The following DCUN1D1 variants were observed in gnomAD, a reference collection of about 807,000 sequenced individuals.
DCUN1D1 encodes the protein DCN1-like protein 1.
In DCUN1D1, 3 loss-of-function variants were observed where a neutral mutation model predicts 39.0. That is an observed-to-expected ratio of 0.08 (90% CI 0.04 to 0.20). The LOEUF (loss-of-function observed/expected upper bound fraction) is 0.20, where lower values mean the gene tolerates loss of function less well. Among genes scored for constraint, DCUN1D1 ranks in the 10% least tolerant of loss-of-function variants. The probability of loss-of-function intolerance (pLI) is 1.00; values close to 1 mark genes in which losing one functional copy is unlikely to be tolerated. For synonymous variants in DCUN1D1, 82 were observed against 96.3 expected (o/e 0.85, Z 0.87); for missense variants, 158 against 302.4 (o/e 0.52, Z 3.54).
At chr3:182,953,314 A>G (rs947355369) in intron 4 of DCUN1D1, among the ~76,000 whole-genome samples, 1 of 152,252 alleles carries the variant, frequency 6.6e-6, no homozygotes, top group African/African-American at 2.4e-5. Flanking sequence ...GCTGAAATAC[A>G]TAAGATTAAA....
chr3:182,978,217 A>AC (rs995725034), intron 1 of DCUN1D1, among the ~76,000 whole-genome samples: 1 of 152,170 alleles, frequency 6.6e-6, no homozygotes, highest in Non-Finnish European at 1.5e-5. Context: ...ACTGACAATA[A>AC]CATGTGCTCT....
chr3:182,972,811 G>C lies in DCUN1D1; in HGVS notation c.4-7058C>G, dbSNP rs552137270. On this transcript the variant is annotated intron_variant, in intron 1 of 6. Coordinates refer to ENST00000292782, the MANE Select transcript of DCUN1D1 (RefSeq NM_020640.4). ...ATCCCAGCACTCTGGGAGGCCAAGA[G>C]GGGGGCGGATCACCTGAGGTTGGGA... 7.9e-5 allele frequency among the ~76,000 whole-genome samples: 12 copies of C among 152,240 alleles called. 1 individual carries two copies. The South Asian group carries it at 2.3e-3, about 29-fold the overall frequency.
Position 182,963,972 on chromosome 3 carries a change from T to C in DCUN1D1, c.298A>G (p.Ile100Val), listed in dbSNP as rs1291350459. ...CDDLALDPASISVLIIAWKFR... is the reference protein window; with the variant it reads ...CDDLALDPASVSVLIIAWKFR... ...TTCCACGCAATAATCAACACACTAA[T>C]GCTGGCTGGATCGAGTGCCAGGTCA... Residue 100 changes from isoleucine to valine, a missense_variant, in exon 3 of 7, where the codon ATT becomes GTT. Physicochemically the swap from Ile to Val is conservative, Grantham distance 29 (BLOSUM62 3). Transcript: ENST00000292782. 1.2e-6 allele frequency: 2 copies of C among 1,614,140 alleles called. No individual in the cohort carries two copies. The highest frequency in any genetic ancestry group is 1.1e-5 in the South Asian group (1 of 91,080).
At position 182,961,481 on chromosome 3, in the gene DCUN1D1, T is replaced by A. The variant is rs1727392755; in HGVS notation, c.390-125A>T. On this transcript the variant is annotated intron_variant, in intron 3 of 6. Transcript: ENST00000292782. ...TTTTTTAAAAATCAAATAGTTCGAATTCAGTCTTTTTATATTACATAAATA... is the reference window on the plus strand; with the variant it reads ...TTTTTTAAAAATCAAATAGTTCGAAATCAGTCTTTTTATATTACATAAATA... 30 of 894,804 alleles carry A rather than the reference T, an allele frequency of 3.4e-5. No individual in the cohort carries two copies. In the South Asian group the frequency reaches 4.8e-4, roughly 14 times the overall value. 55.4% of individuals were successfully genotyped at this position (894,804 alleles called of 1,614,324 possible).
In DCUN1D1 at chr3:182,939,381, CCACA is replaced by C. The variant is rs1271686669; in HGVS notation, c.*5709_*5712del. ...CTAGGAATCTGAGATGAAAACATGTCCACACAAAGACATTTATGAATGTTCATAG... is the reference window on the plus strand; with the variant it reads ...CTAGGAATCTGAGATGAAAACATGTCCAAAGACATTTATGAATGTTCATAG... On this transcript the variant is annotated 3_prime_UTR_variant, in exon 7 of 7. Transcript: ENST00000292782. 1 of 152,078 alleles carries C rather than the reference CCACA, an allele frequency of 6.6e-6. No homozygotes were observed. Among genetic ancestry groups the C allele is most frequent in the Non-Finnish European group, 1.5e-5 (1 of 68,026 alleles). The allele number at this position is 152,078 out of a possible 1,614,324, so 9.4% of individuals were successfully genotyped here. A position where few individuals can be genotyped will look rare whatever the true frequency, so the allele number is the denominator to read the frequency against.
chr3:182,973,915 T>C (rs1302319574), intron 1 of DCUN1D1, among the ~76,000 whole-genome samples: 1 of 152,026 alleles, frequency 6.6e-6, no homozygotes, highest in Non-Finnish European at 1.5e-5. Flanking sequence ...CTAATGAAAA[T>C]TTAAAAGATT....
At chr3:182,959,753 G>A (rs148436870) in intron 4 of DCUN1D1, among the ~76,000 whole-genome samples, 2 of 152,274 alleles carry the variant, frequency 1.3e-5, no homozygotes, top group African/African-American at 2.4e-5. Flanking sequence ...ACCAAAACTC[G>A]TACTGAAATT....
chr3:182,958,923 G>A (rs1727233821), intron 4 of DCUN1D1, among the ~76,000 whole-genome samples: 1 of 152,114 alleles, frequency 6.6e-6, no homozygotes, highest in Non-Finnish European at 1.5e-5. Context: ...GTAAAGGGTA[G>A]CGATATAACT....
intron 3 of DCUN1D1, among the ~76,000 whole-genome samples, 160 bp from the exon 4 acceptor site, chr3:182,961,516 A>C (rs1727394670): frequency 6.6e-6 from 1 of 152,188 alleles, no homozygotes; most frequent in Admixed American, 6.5e-5. Flanking sequence ...ATAAACACGC[A>C]TGGGGGTTAG....
intron 1 of DCUN1D1, among the ~76,000 whole-genome samples, chr3:182,979,478 C>T (rs1387602491): frequency 6.6e-6 from 1 of 152,116 alleles, no homozygotes; most frequent in Admixed American, 6.5e-5. Flanking sequence ...TCAACTCACG[C>T]TCAGACTGTA....
intron 1 of DCUN1D1, among the ~76,000 whole-genome samples, chr3:182,976,930 G>A (rs1036808246): frequency 6.6e-6 from 1 of 152,172 alleles, no homozygotes; most frequent in Admixed American, 6.5e-5. Flanking sequence ...AGACCTACAT[G>A]TATTTGAATT....
rs576266606 is a variant in DCUN1D1, at chr3:182,939,842, A to C, written c.*5252T>G. 1 of 152,308 alleles carries C rather than the reference A, an allele frequency of 6.6e-6. No homozygotes were observed. Among genetic ancestry groups the C allele is most frequent in the Non-Finnish European group, 1.5e-5 (1 of 68,016 alleles). 9.4% of individuals were successfully genotyped at this position (152,308 alleles called of 1,614,324 possible). A position where few individuals can be genotyped will look rare whatever the true frequency, so the allele number is the denominator to read the frequency against. ...AATTTTACAGTGTGTAAATTATACA[A>C]AGCAATTTTTTAAGTACCATTGTAA... On this transcript the variant is annotated 3_prime_UTR_variant, in exon 7 of 7. Coordinates refer to ENST00000292782, the MANE Select transcript of DCUN1D1 (RefSeq NM_020640.4).
At chr3:182,946,926 C>T (rs914381489) in intron 6 of DCUN1D1, among the ~76,000 whole-genome samples, 1 of 152,032 alleles carries the variant, frequency 6.6e-6, no homozygotes, top group Non-Finnish European at 1.5e-5. Context: ...GAGAGCAAGA[C>T]CCCTGCTTCT....
intron 1 of DCUN1D1, among the ~76,000 whole-genome samples, chr3:182,977,158 T>TA (rs778660727): frequency 3.3e-5 from 5 of 152,218 alleles, no homozygotes; most frequent in Non-Finnish European, 5.9e-5. Flanking sequence ...AGTTAACAGA[T>TA]AATACTGGGG....
chr3:182,961,318 T>C lies in DCUN1D1; in HGVS notation c.428A>G (p.Lys143Arg), dbSNP rs1176564673. ...TGGTTCTTTCAATTCTTGTTCCATCTTGGGTATCTGGGCCTTTAGTTTTTC... is the reference window on the plus strand; with the variant it reads ...TGGTTCTTTCAATTCTTGTTCCATCCTGGGTATCTGGGCCTTTAGTTTTTC... ...SIEKLKAQIP[K>R]MEQELKEPGR... The change falls in exon 4 of 7, where the codon AAG becomes AGG. Residue 143 changes from lysine (K) to arginine (R), a missense_variant. This residue lies in a region of DCUN1D1 where 107 missense variants were observed against 174.7 expected (regional missense o/e 0.61). Transcript: ENST00000292782. 6.2e-7 allele frequency: 1 copy of C among 1,606,304 alleles called. No homozygotes were observed. Among genetic ancestry groups the C allele is most frequent in the South Asian group, 1.1e-5 (1 of 89,228 alleles).
intron 1 of DCUN1D1, 86 bp downstream of exon 1, chr3:182,980,401 C>CGCGGGACGGAGGGCGG: frequency 3.1e-6 from 3 of 973,616 alleles, no homozygotes; most frequent in Non-Finnish European, 3.7e-6. Context: ...GCAGGGTCGC[C>CGCGGGACGGAGGGCGG]GCGGGACGGA....
chr3:182,968,846 C>T (rs992651140), intron 1 of DCUN1D1, among the ~76,000 whole-genome samples: 8 of 152,056 alleles, frequency 5.3e-5, no homozygotes, highest in Admixed American at 2.0e-4. Flanking sequence ...GTGATCCAAC[C>T]GCCTCAGCCT....
At chr3:182,951,961 G>A (rs1446886707) in intron 4 of DCUN1D1, among the ~76,000 whole-genome samples, 1 of 152,110 alleles carries the variant, frequency 6.6e-6, no homozygotes, top group African/African-American at 2.4e-5. Flanking sequence ...TTCTCAAAGT[G>A]CTGGGATTAC....
intron 4 of DCUN1D1, among the ~76,000 whole-genome samples, chr3:182,948,745 C>T (rs1053180261): frequency 4.4e-4 from 67 of 151,878 alleles, no homozygotes; most frequent in Non-Finnish European, 1.3e-4. Flanking sequence ...CAAGTGCTGC[C>T]CCAATTTTTA....
Sources: allele counts gnomAD v4.1 joint callset (sites outside exome capture counted in the v4.1 genomes callset), GRCh38; gene constraint gnomAD v4.1.1; regional missense constraint gnomAD v4.1.1; transcripts MANE v1.5; gene names NCBI Gene and HGNC (gene_info 2026-07-23, HGNC 2026-07-21).